Variants in LMTK2 observed in about 807,000 individuals in gnomAD.
LMTK2 encodes the protein lemur tail kinase 2, also known as serine/threonine-protein kinase LMTK2.
A neutral mutation model predicts 127.5 loss-of-function variants in LMTK2; 37 were observed. The observed-to-expected ratio is 0.29, with a 90% confidence interval of 0.22 to 0.38. The LOEUF is 0.38. LMTK2 is among the 10% of genes least tolerant of loss of function. LMTK2 has a pLI of 1.00. For synonymous variants in LMTK2, 819 were observed against 810.1 expected, an observed-to-expected ratio of 1.01 and a Z score of -0.19; for missense variants, 1,694 against 1,920.3, an observed-to-expected ratio of 0.88 and a Z score of 2.20.
intron 11 of LMTK2, among the ~76,000 whole-genome samples, chr7:98,202,710 C>T (rs992099960): frequency 2.0e-5 from 3 of 152,176 alleles, no homozygotes; most frequent in Non-Finnish European, 2.9e-5. Context: ...CACCCCACCC[C>T]GGTCTCCCCT....
In LMTK2 at chr7:98,207,767, C is replaced by T. The variant is rs1797830205; in HGVS notation, c.*2275C>T. 6.6e-6 allele frequency: 1 copy of T among 152,058 alleles called. No homozygotes were observed. Among genetic ancestry groups the T allele is most frequent in the African/African-American group, 2.4e-5 (1 of 41,368 alleles). 9.4% of individuals were successfully genotyped at this position (152,058 alleles called of 1,614,324 possible). On this transcript the variant is annotated 3_prime_UTR_variant, in exon 14 of 14. Coordinates refer to ENST00000297293, the MANE Select transcript of LMTK2 (RefSeq NM_014916.4). The stretch of plus-strand genomic sequence containing the variant: ...GTCAGCCTCGAGTACATTTATTAAC[C>T]TTTTGGGGCTGTCAGTTTTCCACTA...
chr7:98,147,049 T>C (rs189039119), intron 3 of LMTK2, among the ~76,000 whole-genome samples: 1 of 152,388 alleles, frequency 6.6e-6, no homozygotes, highest in African/African-American at 2.4e-5. Flanking sequence ...CTTTCAGCAC[T>C]TTCTCTGTGT....
chr7:98,125,888 C>T (rs981539950), intron 1 of LMTK2, among the ~76,000 whole-genome samples: 2 of 152,190 alleles, frequency 1.3e-5, no homozygotes, highest in Non-Finnish European at 2.9e-5. Flanking sequence ...AATGAATTCT[C>T]TCTCCCCATA....
rs544949950 is a variant in LMTK2 at position 98,194,183 on chromosome 7, A to C, written c.3718A>C (p.Asn1240His). The C allele has an allele frequency of 4.0e-5, 64 of 1,613,768 alleles. No individual in the cohort carries two copies. Among genetic ancestry groups the C allele is most frequent in the Non-Finnish European group, 5.3e-5 (62 of 1,179,988 alleles). Residue 1240 changes from asparagine (N) to histidine (H), a missense_variant, in exon 11 of 14, where the codon AAT becomes CAT. Asn to His is a moderately conservative substitution (Grantham distance 68). Coordinates refer to ENST00000297293, the MANE Select transcript of LMTK2 (RefSeq NM_014916.4). This position sits in a 1 kb window ranked among gnomAD's most constrained non-coding sequence, Gnocchi z 5.4. ...CACGAACGAACTCCTTGCCTACACC[A>C]ATTCTGCGCTGGACAAGTCCCTGTC... ...TNTNELLAYTNSALDKSLSSH... is the reference protein window; with the variant it reads ...TNTNELLAYTHSALDKSLSSH...
rs1041561832 is a variant in LMTK2 at position 98,107,239 on chromosome 7, C to T, written c.62C>T (p.Ala21Val). The T allele has an allele frequency of 1.6e-5, 24 of 1,459,144 alleles. No individual in the cohort carries two copies. The highest frequency in any genetic ancestry group is 1.8e-5 in the Non-Finnish European group (20 of 1,112,894). The allele number at this position is 1,459,144 out of a possible 1,614,324, so 90.4% of individuals were successfully genotyped here. Residue 21 changes from alanine (A) to valine (V), a missense_variant, in exon 1 of 14, where the codon GCC becomes GTC. This residue lies in a region of LMTK2 where 76 missense variants were observed against 82.0 expected (regional missense o/e 0.93). Coordinates refer to ENST00000297293, the MANE Select transcript of LMTK2 (RefSeq NM_014916.4). ...CTGCTGCTGCTGGTCCTCCTGATCG[C>T]CGGCAGTGCTGGGGCCGCGCCACTT... is the stretch of plus-strand genomic sequence containing the variant. ...LLLLLLVLLI[A>V]GSAGAAPLPQ...
At chr7:98,110,557 T>TA (rs1796187449) in intron 1 of LMTK2, among the ~76,000 whole-genome samples, 1 of 152,228 alleles carries the variant, frequency 6.6e-6, no homozygotes, top group Non-Finnish European at 1.5e-5. Context: ...AGTTCAGTTC[T>TA]TTTCCCCAGA....
intron 1 of LMTK2, among the ~76,000 whole-genome samples, chr7:98,113,316 T>C (rs1335235636): frequency 6.6e-6 from 1 of 152,180 alleles, no homozygotes; most frequent in East Asian, 1.9e-4. Flanking sequence ...TTGCTTCCCC[T>C]TCCACCGTGT....
At chr7:98,148,398 C>T (rs1461217132) in intron 3 of LMTK2, among the ~76,000 whole-genome samples, 1 of 150,468 alleles carries the variant, frequency 6.6e-6, no homozygotes, top group Non-Finnish European at 1.5e-5. Context: ...GAGGCTGAGG[C>T]AGGAGAATCA....
In LMTK2 at chr7:98,193,802, C is replaced by A. The variant is rs868167759; in HGVS notation, c.3337C>A (p.Pro1113Thr). 2.5e-6 allele frequency: 4 copies of A among 1,613,984 alleles called. No homozygotes were observed. The highest frequency in any genetic ancestry group is 3.4e-6 in the Non-Finnish European group (4 of 1,179,992). Residue 1113 changes from proline (P) to threonine (T), a missense_variant, in exon 11 of 14, where the codon CCC (proline) becomes ACC (threonine). By Grantham distance (38) the Pro-to-Thr change is conservative. Transcript: ENST00000297293. This position sits in a 1 kb window ranked among gnomAD's most constrained non-coding sequence, Gnocchi z 4.1. ...GTACTTCTCAGACAATGACTCTGAG[C>A]CCGAGAAAAGGTCTGAGGAGGTCCC... ...SAYFSDNDSE[P>T]EKRSEEVPGT...
chr7:98,193,919 T>G lies in LMTK2; in HGVS notation c.3454T>G (p.Cys1152Gly). The G allele has an allele frequency of 6.2e-7, 1 of 1,614,140 alleles. No individual in the cohort carries two copies. The highest frequency in any genetic ancestry group is 1.1e-5 in the South Asian group (1 of 91,084). ...PEQSPAAQDS[C>G]LEARKSQPDE... ...GCAAAGTCCTGCTGCCCAGGATAGC[T>G]GCCTGGAAGCCAGAAAGAGCCAGCC... The change falls in exon 11 of 14, where the codon TGC (cysteine) becomes GGC (glycine). Residue 1152 changes from cysteine to glycine, a missense_variant. Around this residue, in one of 8 missense-constraint regions of LMTK2, gnomAD observed 554 missense variants for 567.7 expected, o/e 0.98. Transcript: ENST00000297293. This position sits in a 1 kb window ranked among gnomAD's most constrained non-coding sequence, Gnocchi z 4.1.
In LMTK2 at chr7:98,127,509, G is replaced by C. The variant is rs112232442; in HGVS notation, c.104-9806G>C. The stretch of plus-strand genomic sequence containing the variant: ...CTATGCAAATTCCCTGAGGCAAGAG[G>C]GTCTGGGCAAAACAGAAAACAGGCG... On this transcript the variant is annotated intron_variant, in intron 1 of 13. Coordinates refer to ENST00000297293, the MANE Select transcript of LMTK2 (RefSeq NM_014916.4). Among the ~76,000 whole-genome samples the C allele has an allele frequency of 3.9e-3, 587 of 152,260 alleles. 1 individual carries two copies. The highest frequency in any genetic ancestry group is 5.9e-3 in the Non-Finnish European group (400 of 68,022).
At chr7:98,132,400 G>A (rs1165896848) in intron 1 of LMTK2, among the ~76,000 whole-genome samples, 3 of 152,026 alleles carry the variant, frequency 2.0e-5, no homozygotes, top group Admixed American at 6.6e-5. Context: ...ACAGGCGCGC[G>A]GCACCACGCC....
At chr7:98,186,078 T>G (rs953054379) in intron 8 of LMTK2, among the ~76,000 whole-genome samples, 1 of 151,876 alleles carries the variant, frequency 6.6e-6, no homozygotes, top group African/African-American at 2.4e-5. Flanking sequence ...TTTTTTTTCT[T>G]TTTTTGAGAT....
Position 98,107,299 on chromosome 7 carries a change from G to A in LMTK2, c.103+19G>A, listed in dbSNP as rs1796123816. 7.5e-7 allele frequency: 1 copy of A among 1,330,430 alleles called. No individual in the cohort carries two copies. Among genetic ancestry groups the A allele is most frequent in the Non-Finnish European group, 9.6e-7 (1 of 1,042,280 alleles). 82.4% of individuals were successfully genotyped at this position (1,330,430 alleles called of 1,614,324 possible). A position where few individuals can be genotyped will look rare whatever the true frequency, so the allele number is the denominator to read the frequency against. On this transcript the variant is annotated intron_variant, in intron 1 of 13. Transcript: ENST00000297293. ...GGTGCAGGTGAGCGGGCCCGCGGCG[G>A]GGACGGGGCTGCGGGGTCTTCGGCG...
chr7:98,107,238 G>T lies in LMTK2; in HGVS notation c.61G>T (p.Ala21Ser). ...GCTGCTGCTGCTGGTCCTCCTGATC[G>T]CCGGCAGTGCTGGGGCCGCGCCACT... is the stretch of plus-strand genomic sequence containing the variant. ...LLLLLLVLLI[A>S]GSAGAAPLPQ... is the part of the protein sequence containing the mutation. Residue 21 changes from alanine (A) to serine (S), a missense_variant, in exon 1 of 14, where the codon GCC becomes TCC. Physicochemically the swap from Ala to Ser is moderately conservative, Grantham distance 99 (BLOSUM62 1). Transcript: ENST00000297293. 1 of 1,459,192 alleles carries T rather than the reference G, an allele frequency of 6.9e-7. No homozygotes were observed. The highest frequency in any genetic ancestry group is 3.0e-5 in the East Asian group (1 of 33,698). 90.4% of individuals were successfully genotyped at this position (1,459,192 alleles called of 1,614,324 possible). A position where few individuals can be genotyped will look rare whatever the true frequency, so the allele number is the denominator to read the frequency against.
rs191301608 is a variant in LMTK2 at position 98,204,603 on chromosome 7, G to A, written c.4483+417G>A. On this transcript the variant is annotated intron_variant, in intron 13 of 13. Coordinates refer to ENST00000297293, the MANE Select transcript of LMTK2 (RefSeq NM_014916.4). Reference sequence around the variant, plus strand: ...GATTGTGCCACTGCCCTCCAGCATGGGTGACAGAGCAAGACCCTGCCTCTA... The same window carrying A: ...GATTGTGCCACTGCCCTCCAGCATGAGTGACAGAGCAAGACCCTGCCTCTA... Among the ~76,000 whole-genome samples the A allele has an allele frequency of 1.5e-3, 232 of 152,310 alleles. 1 individual carries two copies. The highest frequency in any genetic ancestry group is 2.5e-3 in the Non-Finnish European group (167 of 68,036).
rs1797568899 is a variant in LMTK2 at position 98,193,469 on chromosome 7, T to A, written c.3004T>A (p.Ser1002Thr). 6.2e-7 allele frequency: 1 copy of A among 1,613,838 alleles called. No homozygotes were observed. Among genetic ancestry groups the A allele is most frequent in the Admixed American group, 1.7e-5 (1 of 59,990 alleles). ...PSLETPDSLE[S>T]VDVHEALLDS... The stretch of plus-strand genomic sequence containing the variant: ...CCTGGAAACCCCGGACTCTCTGGAG[T>A]CAGTGGATGTCCACGAAGCGCTACT... The change falls in exon 11 of 14, where the codon TCA becomes ACA. Residue 1002 changes from serine (S) to threonine (T), a missense_variant. Ser to Thr is a moderately conservative substitution (Grantham distance 58). Transcript: ENST00000297293. This position sits in a 1 kb window ranked among gnomAD's most constrained non-coding sequence, Gnocchi z 4.1.
At chr7:98,112,724 C>T (rs1360680233) in intron 1 of LMTK2, among the ~76,000 whole-genome samples, 1 of 152,042 alleles carries the variant, frequency 6.6e-6, no homozygotes, top group Middle Eastern at 3.2e-3. Context: ...AATCTAGGCC[C>T]ATTACAAGGG....
intron 7 of LMTK2, among the ~76,000 whole-genome samples, chr7:98,183,224 G>C (rs1032023335): frequency 5.9e-5 from 9 of 152,064 alleles, no homozygotes; most frequent in Non-Finnish European, 8.8e-5. Flanking sequence ...TCTGATCCTG[G>C]AGAGAATTAT....
Sources: allele counts gnomAD v4.1 joint callset (sites outside exome capture counted in the v4.1 genomes callset), GRCh38; gene constraint gnomAD v4.1.1; regional missense constraint gnomAD v4.1.1; non-coding constraint Gnocchi (gnomAD v3.1); transcripts MANE v1.5; gene names NCBI Gene and HGNC (gene_info 2026-07-23, HGNC 2026-07-21).